The following NRXN1 variants were observed in gnomAD, a reference collection of about 807,000 sequenced individuals.
NRXN1 encodes the protein neurexin-1.
Under a neutral mutation model 150.9 loss-of-function variants are expected in NRXN1, and 39 were observed. The observed-to-expected ratio is 0.26, with a 90% confidence interval of 0.20 to 0.34. The LOEUF is 0.34. NRXN1 is among the 10% of genes least tolerant of loss of function. The pLI is 1.00. For missense variants in NRXN1, 1,815 were observed against 1,949.9 expected, an observed-to-expected ratio of 0.93 and a Z score of 1.30; for synonymous variants, 924 against 757.0, an observed-to-expected ratio of 1.22 and a Z score of -3.62.
At chr2:50,847,350 C>T (rs998401192) in intron 5 of NRXN1, among the ~76,000 whole-genome samples, 1 of 152,156 alleles carries the variant, frequency 6.6e-6, no homozygotes, top group Non-Finnish European at 1.5e-5. Context: ...ATATATCATC[C>T]GTCAAGGTCA....
At chr2:50,997,638 G>A (rs1699501925) in intron 2 of NRXN1, among the ~76,000 whole-genome samples, 1 of 140,180 alleles carries the variant, frequency 7.1e-6, no homozygotes, top group Non-Finnish European at 1.5e-5. Flanking sequence ...TTCCTGAGTA[G>A]CTATGACTAC....
At chr2:50,928,250 A>G (rs1226518189) in intron 2 of NRXN1, among the ~76,000 whole-genome samples, 1 of 151,992 alleles carries the variant, frequency 6.6e-6, no homozygotes, top group Non-Finnish European at 1.5e-5. Flanking sequence ...TAAATGGGTG[A>G]TATATTAACC....
chr2:50,780,658 T>A (rs1041078491), intron 5 of NRXN1, among the ~76,000 whole-genome samples: 7 of 152,330 alleles, frequency 4.6e-5, no homozygotes, highest in Admixed American at 4.6e-4. Context: ...ATGTTCTTTT[T>A]AATGTTGAAT....
At chr2:51,029,252 A>T (rs1017046714) in intron 1 of NRXN1, 58 bp from the exon 2 acceptor site, 1 of 152,230 alleles carries the variant, frequency 6.6e-6, no homozygotes, top group African/African-American at 2.4e-5. Context: ...TATATAAATC[A>T]TTATTCAGCT....
At chr2:50,859,999 C>T (rs1675883977) in intron 5 of NRXN1, among the ~76,000 whole-genome samples, 1 of 152,000 alleles carries the variant, frequency 6.6e-6, no homozygotes, top group Non-Finnish European at 1.5e-5. Context: ...TCTTTGTAAA[C>T]TACAGGCACC....
In NRXN1 at chr2:50,235,072, C is replaced by T. The variant is rs187797963; in HGVS notation, c.3546+1717G>A. The stretch of plus-strand genomic sequence containing the variant: ...TGATTTGAGAGTGATCATTGTAGAA[C>T]CTTTTCTCAGAGTAAAAGTGTAATT... On this transcript the variant is annotated intron_variant, in intron 18 of 22. Transcript: ENST00000401669. Among the ~76,000 whole-genome samples, 4 of 151,964 alleles carry T rather than the reference C, an allele frequency of 2.6e-5. No homozygotes were observed. The South Asian group carries it at 6.2e-4, about 24-fold the overall frequency.
chr2:50,931,076 T>C (rs1687667364), intron 2 of NRXN1, among the ~76,000 whole-genome samples: 1 of 152,134 alleles, frequency 6.6e-6, no homozygotes. Flanking sequence ...AGACATCCTT[T>C]GGCCTGTGTA....
chr2:50,163,973 C>A (rs187560216), intron 18 of NRXN1, among the ~76,000 whole-genome samples: 2 of 152,252 alleles, frequency 1.3e-5, no homozygotes, highest in African/African-American at 4.8e-5. Flanking sequence ...CCAAATCCAT[C>A]CTCTCAAACC....
chr2:49,921,748 T>A lies in NRXN1; in HGVS notation c.*196A>T. 1.7e-6 allele frequency: 1 copy of A among 600,668 alleles called. No individual in the cohort carries two copies. The highest frequency in any genetic ancestry group is 2.8e-6 in the Non-Finnish European group (1 of 350,986). 37.2% of individuals were successfully genotyped at this position (600,668 alleles called of 1,614,324 possible). A position where few individuals can be genotyped will look rare whatever the true frequency, so the allele number is the denominator to read the frequency against. ...AGGGAATTTATTGGCCCCTGTTTTT[T>A]GTTTTTTGTTTTTCTTTTTTGAGAA... On this transcript the variant is annotated 3_prime_UTR_variant, in exon 23 of 23. Transcript: ENST00000401669.
intron 18 of NRXN1, among the ~76,000 whole-genome samples, chr2:50,210,146 C>G (rs1915225): frequency 6.6e-6 from 1 of 151,744 alleles, no homozygotes; most frequent in African/African-American, 2.4e-5. Flanking sequence ...ATCACAAATT[C>G]GTGCATAAAC....
intron 18 of NRXN1, among the ~76,000 whole-genome samples, chr2:50,129,330 T>G (rs1336175138): frequency 6.6e-6 from 1 of 152,214 alleles, no homozygotes; most frequent in Non-Finnish European, 1.5e-5. Flanking sequence ...CATACATTCT[T>G]TCACTGAAAT....
At chr2:50,133,477 A>C (rs1385744847) in intron 18 of NRXN1, among the ~76,000 whole-genome samples, 1 of 152,198 alleles carries the variant, frequency 6.6e-6, no homozygotes, top group Non-Finnish European at 1.5e-5. Context: ...TTGACACCCA[A>C]ATCTTCATCA....
intron 5 of NRXN1, among the ~76,000 whole-genome samples, chr2:50,822,671 A>T (rs1216589811): frequency 6.6e-6 from 1 of 152,150 alleles, no homozygotes; most frequent in Admixed American, 6.6e-5. Flanking sequence ...TAAATTTATG[A>T]TAAGATAATT....
At chr2:50,365,993 T>C (rs190987494) in intron 17 of NRXN1, among the ~76,000 whole-genome samples, 1 of 151,996 alleles carries the variant, frequency 6.6e-6, no homozygotes, top group Non-Finnish European at 1.5e-5. Context: ...TACAATAAAA[T>C]AACCTTAGAA....
chr2:50,596,278 C>T (rs1182791010), intron 8 of NRXN1, among the ~76,000 whole-genome samples: 1 of 152,020 alleles, frequency 6.6e-6, no homozygotes, highest in Non-Finnish European at 1.5e-5. Context: ...CACTACCTTC[C>T]ACTACCTTTT....
At chr2:50,431,760 A>G (rs1010667917) in intron 17 of NRXN1, among the ~76,000 whole-genome samples, 7 of 152,210 alleles carry the variant, frequency 4.6e-5, no homozygotes, top group African/African-American at 1.4e-4. Flanking sequence ...TATGATCTGC[A>G]AAGCTTAAAA....
chr2:50,101,543 C>A (rs1161998159), intron 18 of NRXN1, among the ~76,000 whole-genome samples: 1 of 151,998 alleles, frequency 6.6e-6, no homozygotes, highest in African/African-American at 2.4e-5. Context: ...ATAGACAGAA[C>A]ATCCTTGGAT....
At chr2:50,231,691 G>C (rs972740005) in intron 18 of NRXN1, among the ~76,000 whole-genome samples, 1 of 151,998 alleles carries the variant, frequency 6.6e-6, no homozygotes, top group Non-Finnish European at 1.5e-5. Flanking sequence ...CATTTCCTCT[G>C]GTCAGAACCA....
At chr2:50,172,113 G>C (rs2060066762) in intron 18 of NRXN1, among the ~76,000 whole-genome samples, 1 of 152,094 alleles carries the variant, frequency 6.6e-6, no homozygotes, top group Non-Finnish European at 1.5e-5. Flanking sequence ...ATGAACAGAA[G>C]ATAATGGGGT....
Sources: allele counts gnomAD v4.1 joint callset (sites outside exome capture counted in the v4.1 genomes callset), GRCh38; gene constraint gnomAD v4.1.1; transcripts MANE v1.5; gene names NCBI Gene and HGNC (gene_info 2026-07-23, HGNC 2026-07-21).